RPS6KC1: variants seen among roughly 807,000 people sequenced by gnomAD.
The protein encoded by RPS6KC1 is inactive ribosomal protein S6 kinase delta-1.
Under a neutral mutation model 103.8 loss-of-function variants are expected in RPS6KC1, and 54 were observed. The observed-to-expected ratio is 0.52, with a 90% CI of 0.42 to 0.65. RPS6KC1 has a LOEUF of 0.65. RPS6KC1 is among the 30% of genes least tolerant of loss of function. The probability of loss-of-function intolerance (pLI) is 0.00; values close to 1 mark genes in which losing one functional copy is unlikely to be tolerated. For synonymous variants in RPS6KC1, 439 were observed against 438.7 expected, an observed-to-expected ratio of 1.00 and a Z score of -0.01; for missense variants, 1,151 against 1,253.8, an observed-to-expected ratio of 0.92 and a Z score of 1.24.
the RPS6KC1 span, among the ~76,000 whole-genome samples, chr1:213,635,733 A>T: frequency 6.6e-6 from 1 of 152,026 alleles, no homozygotes; most frequent in African/African-American, 2.4e-5. Flanking sequence ...CTCTCTCACC[A>T]CTCCTATTCA....
At chr1:213,354,567 T>C in the RPS6KC1 span, among the ~76,000 whole-genome samples, 1 of 152,192 alleles carries the variant, frequency 6.6e-6, no homozygotes, top group African/African-American at 2.4e-5. Flanking sequence ...ATTTATTTCT[T>C]ATAAAGGTTG....
intron 6 of RPS6KC1, among the ~76,000 whole-genome samples, chr1:213,141,935 C>G (rs1359112384): frequency 1.3e-5 from 2 of 151,250 alleles, no homozygotes; most frequent in Non-Finnish European, 2.9e-5. Context: ...TGCTGATATT[C>G]TGCCTCAATT....
chr1:213,405,137 A>T, the RPS6KC1 span, among the ~76,000 whole-genome samples: 4 of 152,224 alleles, frequency 2.6e-5, no homozygotes, highest in East Asian at 1.9e-4. Context: ...TCACCTGGGA[A>T]ATCAGAGTGC....
chr1:213,761,379 C>T, the RPS6KC1 span, among the ~76,000 whole-genome samples: 1 of 152,118 alleles, frequency 6.6e-6, no homozygotes, highest in Non-Finnish European at 1.5e-5. Flanking sequence ...GGCAATTTCT[C>T]TTTTACAGAC....
At chr1:213,168,492 T>C (rs1283968656) in intron 7 of RPS6KC1, among the ~76,000 whole-genome samples, 2 of 152,260 alleles carry the variant, frequency 1.3e-5, no homozygotes, top group Admixed American at 6.5e-5. Flanking sequence ...CAGGTTATTA[T>C]TGTTTTTATG....
At chr1:213,832,337 G>A in the RPS6KC1 span, among the ~76,000 whole-genome samples, 14 of 152,224 alleles carry the variant, frequency 9.2e-5, no homozygotes, top group African/African-American at 2.4e-4. Flanking sequence ...AAGACCCCAC[G>A]TCATACTTGT....
the RPS6KC1 span, among the ~76,000 whole-genome samples, chr1:213,406,088 C>T: frequency 6.6e-6 from 1 of 152,200 alleles, no homozygotes; most frequent in Non-Finnish European, 1.5e-5. Flanking sequence ...GCTGCCCAGT[C>T]AGAAAAGCTG....
the RPS6KC1 span, among the ~76,000 whole-genome samples, chr1:213,830,583 C>G: frequency 6.6e-6 from 1 of 151,768 alleles, no homozygotes; most frequent in African/African-American, 2.4e-5. Flanking sequence ...TTACTTGCCC[C>G]TCCACCTTCA....
chr1:213,150,568 G>A (rs1188390498), intron 6 of RPS6KC1, among the ~76,000 whole-genome samples: 7 of 150,796 alleles, frequency 4.6e-5, no homozygotes, highest in South Asian at 4.2e-4. Context: ...ATCTTGCACC[G>A]CCCTTAATCC....
chr1:213,472,805 A>T, the RPS6KC1 span, among the ~76,000 whole-genome samples: 1 of 152,246 alleles, frequency 6.6e-6, no homozygotes, highest in Non-Finnish European at 1.5e-5. Context: ...TTTATAAGTA[A>T]GTATAAAGGA....
the RPS6KC1 span, among the ~76,000 whole-genome samples, chr1:213,736,411 G>A: frequency 6.6e-6 from 1 of 152,188 alleles, no homozygotes; most frequent in African/African-American, 2.4e-5. Context: ...TTGTGGGCTA[G>A]GGCCTGAAGA....
intron 8 of RPS6KC1, among the ~76,000 whole-genome samples, chr1:213,208,530 A>G (rs1484521198): frequency 1.3e-5 from 2 of 152,068 alleles, no homozygotes; most frequent in East Asian, 1.9e-4. Context: ...TTGGGTAACA[A>G]TCTAGATGTT....
the RPS6KC1 span, among the ~76,000 whole-genome samples, chr1:213,554,445 C>T: frequency 6.6e-6 from 1 of 152,176 alleles, no homozygotes; most frequent in Non-Finnish European, 1.5e-5. Flanking sequence ...GCCTTGAATG[C>T]AGGTAGTGTG....
chr1:213,675,233 T>C, the RPS6KC1 span, among the ~76,000 whole-genome samples: 3 of 152,206 alleles, frequency 2.0e-5, no homozygotes, highest in Non-Finnish European at 4.4e-5. Context: ...CAAAGGCCAA[T>C]GCAAAGACTT....
chr1:213,082,474 C>T (rs781047838), intron 3 of RPS6KC1, among the ~76,000 whole-genome samples: 1 of 152,048 alleles, frequency 6.6e-6, no homozygotes, highest in South Asian at 2.1e-4. Context: ...GTTGGAGCCT[C>T]ATGGTATTCG....
chr1:213,196,215 C>T (rs2092941827), intron 8 of RPS6KC1, among the ~76,000 whole-genome samples: 1 of 152,014 alleles, frequency 6.6e-6, no homozygotes, highest in Non-Finnish European at 1.5e-5. Flanking sequence ...TTTTCATTTG[C>T]ATTTCCCTGA....
the RPS6KC1 span, among the ~76,000 whole-genome samples, chr1:213,803,315 C>T: frequency 6.2e-5 from 9 of 144,344 alleles, no homozygotes; most frequent in East Asian, 2.1e-4. Context: ...GGCATGATCT[C>T]GGCTCACTGC....
At chr1:213,553,908 T>A in the RPS6KC1 span, among the ~76,000 whole-genome samples, 1 of 152,190 alleles carries the variant, frequency 6.6e-6, no homozygotes, top group Non-Finnish European at 1.5e-5. Context: ...TTTAAATTCC[T>A]TATAGATTCT....
chr1:213,141,595 G>A (rs760393734), intron 6 of RPS6KC1, among the ~76,000 whole-genome samples: 2 of 151,720 alleles, frequency 1.3e-5, no homozygotes, highest in East Asian at 1.9e-4. Context: ...TAAAAAAGTC[G>A]TTTGTATGGT....
Sources: allele counts gnomAD v4.1 joint callset (sites outside exome capture counted in the v4.1 genomes callset), GRCh38; gene constraint gnomAD v4.1.1; transcripts MANE v1.5; gene names NCBI Gene and HGNC (gene_info 2026-07-23, HGNC 2026-07-21).